Variants in TMEM239 observed in about 807,000 individuals in gnomAD.
The protein encoded by TMEM239 is transmembrane protein 239.
In TMEM239, 10 loss-of-function variants were observed where a neutral mutation model predicts 14.6. The observed-to-expected ratio is 0.68, with a 90% confidence interval of 0.42 to 1.16. The LOEUF (loss-of-function observed/expected upper bound fraction) is 1.16. TMEM239 is among the 50% of genes most tolerant of loss of function. TMEM239 has a pLI of 0.00. For synonymous variants in TMEM239, 94 were observed against 89.9 expected, an observed-to-expected ratio of 1.05 and a Z score of -0.26; for missense variants, 183 against 194.4, an observed-to-expected ratio of 0.94 and a Z score of 0.35.
At chr20:2,818,836 C>T (rs2088701906), downstream of TMEM239, 1 of 152,250 alleles carries the variant, frequency 6.6e-6, no homozygotes, top group African/African-American at 2.4e-5. Flanking sequence ...AGTGAAGGAC[C>T]TGGGACCACT....
chr20:2,818,476 C>T (rs1262632813), downstream of TMEM239: 1 of 152,308 alleles, frequency 6.6e-6, no homozygotes, highest in African/African-American at 2.4e-5. Flanking sequence ...GGCCTTGGGG[C>T]TAGCCCCTAG....
chr20:2,815,848 C>A, upstream of TMEM239: 1 of 1,074,368 alleles, frequency 9.3e-7, no homozygotes, highest in Non-Finnish European at 1.3e-6. Flanking sequence ...CCCTTTTCTC[C>A]TTCCTGGCTG....
upstream of TMEM239, chr20:2,816,221 G>C (rs911575413): frequency 7.8e-5 from 68 of 869,568 alleles, no homozygotes; most frequent in African/African-American, 8.7e-4. Flanking sequence ...CCAGCCTGGA[G>C]GGTCCGTGCA....
Position 2,818,012 on chromosome 20 carries a change from C to G in TMEM239, c.*999C>G, listed in dbSNP as rs773851916. ...GGCCCTAAAATGGTAAACAAGAGGT[C>G]GGTTAAGTGTGTACAAGATGTAAAA... On this transcript the variant is annotated 3_prime_UTR_variant, in exon 2 of 2. Transcript: ENST00000380585. 6 of 152,156 alleles carry G rather than the reference C, an allele frequency of 3.9e-5. No individual in the cohort carries two copies. The highest frequency in any genetic ancestry group is 8.8e-5 in the Non-Finnish European group (6 of 68,016). The allele number at this position is 152,156 out of a possible 1,614,324, so 9.4% of individuals were successfully genotyped here.
rs1449638430 is a variant in TMEM239, at chr20:2,816,736, T to C, written c.182T>C (p.Leu61Pro). 1 of 1,550,218 alleles carries C rather than the reference T, an allele frequency of 6.5e-7. No homozygotes were observed. Among genetic ancestry groups the C allele is most frequent in the East Asian group, 2.4e-5 (1 of 40,902 alleles). The stretch of plus-strand genomic sequence containing the variant: ...AACTGGCGGCAACCGCTGCAGCGCC[T>C]GCTGTGGGGTCTGGAGGGGATACTC... ...TSNWRQPLQR[L>P]LWGLEGILYL... The change falls in exon 2 of 2, where the codon CTG becomes CCG. Residue 61 changes from leucine (L) to proline (P), a missense_variant. Physicochemically the swap from Leu to Pro is moderately conservative, Grantham distance 98. Transcript: ENST00000380585.
upstream of TMEM239, chr20:2,816,339 G>C (rs752290682): frequency 5.9e-6 from 9 of 1,535,962 alleles, 1 homozygote; most frequent in South Asian, 4.8e-5. Flanking sequence ...GGGTAGATGA[G>C]AGTGGGGACT....
chr20:2,818,624 G>A (rs1600281175), downstream of TMEM239: 1 of 152,362 alleles, frequency 6.6e-6, no homozygotes, highest in East Asian at 1.9e-4. Flanking sequence ...TGGCATGGTA[G>A]TGAGAGCGAG....
chr20:2,816,768 C>T lies in TMEM239; in HGVS notation c.214C>T (p.Leu72=). The T allele has an allele frequency of 6.4e-7, 1 of 1,551,186 alleles. No homozygotes were observed. The highest frequency in any genetic ancestry group is 2.4e-5 in the East Asian group (1 of 40,920). Residue 72 remains leucine (L), a synonymous_variant, in exon 2 of 2, where the codon CTG becomes TTG. Transcript: ENST00000380585. ...GGGTCTGGAGGGGATACTCTACCTGCTGCTGGCACTGATGTTGTGCCATGC... is the reference window on the plus strand; with the variant it reads ...GGGTCTGGAGGGGATACTCTACCTGTTGCTGGCACTGATGTTGTGCCATGC... ...LWGLEGILYL[L]LALMLCHALF...
Position 2,816,762 on chromosome 20 carries a change from T to C in TMEM239, c.208T>C (p.Tyr70His). The C allele has an allele frequency of 1.3e-6, 2 of 1,551,136 alleles. No homozygotes were observed. Among genetic ancestry groups the C allele is most frequent in the Non-Finnish European group, 1.7e-6 (2 of 1,146,982 alleles). Residue 70 changes from tyrosine (Y) to histidine (H), a missense_variant, in exon 2 of 2, where the codon TAC (tyrosine) becomes CAC (histidine). Coordinates refer to ENST00000380585, the MANE Select transcript of TMEM239 (RefSeq NM_001167670.3). ...GCTGTGGGGTCTGGAGGGGATACTCTACCTGCTGCTGGCACTGATGTTGTG... is the reference window on the plus strand; with the variant it reads ...GCTGTGGGGTCTGGAGGGGATACTCCACCTGCTGCTGGCACTGATGTTGTG... ...RLLWGLEGIL[Y>H]LLLALMLCHA...
At position 2,816,794 on chromosome 20, in the gene TMEM239, A is replaced by G. The variant is rs2088679364; in HGVS notation, c.240A>G (p.Ala80=). 6.4e-7 allele frequency: 1 copy of G among 1,550,836 alleles called. No homozygotes were observed. The highest frequency in any genetic ancestry group is 8.7e-7 in the Non-Finnish European group (1 of 1,146,930). ...TGCTGGCACTGATGTTGTGCCATGC[A>G]CTCTTCACCACTGGCTCCCACCTGC... ...YLLLALMLCH[A]LFTTGSHLLS... Residue 80 remains alanine (A), a synonymous_variant, in exon 2 of 2, where the codon GCA becomes GCG. Coordinates refer to ENST00000380585, the MANE Select transcript of TMEM239 (RefSeq NM_001167670.3).
upstream of TMEM239, chr20:2,816,152 G>T (rs115362979): frequency 8.2e-4 from 506 of 617,316 alleles, 2 homozygotes; most frequent in African/African-American, 8.3e-3. Context: ...GGGATCCAGG[G>T]AGGGCTTCCC....
chr20:2,819,177 A>G (rs1265532861), downstream of TMEM239: 2 of 152,222 alleles, frequency 1.3e-5, no homozygotes, highest in African/African-American at 4.8e-5. Flanking sequence ...TTGGCCATGC[A>G]TTGCTAGCCA....
Position 2,817,429 on chromosome 20 carries a change from C to G in TMEM239, c.*416C>G. On this transcript the variant is annotated 3_prime_UTR_variant, in exon 2 of 2. Coordinates refer to ENST00000380585, the MANE Select transcript of TMEM239 (RefSeq NM_001167670.3). ...TCTACCTGGGTACCACTGGCCTTGCCATTCCTCCCACCAATCCCCTCTTTC... is the reference window on the plus strand; with the variant it reads ...TCTACCTGGGTACCACTGGCCTTGCGATTCCTCCCACCAATCCCCTCTTTC... 1 of 297,750 alleles carries G rather than the reference C, an allele frequency of 3.4e-6. No individual in the cohort carries two copies. Among genetic ancestry groups the G allele is most frequent in the Admixed American group, 4.6e-5 (1 of 21,668 alleles). The allele number at this position is 297,750 out of a possible 1,614,324, so 18.4% of individuals were successfully genotyped here. A position where few individuals can be genotyped will look rare whatever the true frequency, so the allele number is the denominator to read the frequency against.
chr20:2,816,199 G>A (rs546366038), upstream of TMEM239: 341 of 713,802 alleles, frequency 4.8e-4, no homozygotes, highest in African/African-American at 9.0e-4. Context: ...GCGGGGCTCC[G>A]AGGCTCCCCT....
Position 2,816,871 on chromosome 20 carries a change from C to T in TMEM239, c.317C>T (p.Ala106Val). ...GCGGTGTGGCGCCACCTGCTACCGG[C>T]TCTCCTGCTGCTGGTGCTCAGTGCT... Reference protein sequence around the residue: ...VAAVWRHLLPALLLLVLSALP... With the variant: ...VAAVWRHLLPVLLLLVLSALP... Residue 106 changes from alanine to valine, a missense_variant, in exon 2 of 2, where the codon GCT becomes GTT. Physicochemically the swap from Ala to Val is moderately conservative, Grantham distance 64. Transcript: ENST00000380585. 6.5e-7 allele frequency: 1 copy of T among 1,545,310 alleles called. No homozygotes were observed.
Position 2,817,230 on chromosome 20 carries a change from G to A in TMEM239, c.*217G>A, listed in dbSNP as rs937293942. Reference sequence around the variant, plus strand: ...GGGCTGGGGGCTTTGAGAAGAGGGGGCAAGACAGATGGCTTAGCCATTGGT... The same window carrying A: ...GGGCTGGGGGCTTTGAGAAGAGGGGACAAGACAGATGGCTTAGCCATTGGT... On this transcript the variant is annotated 3_prime_UTR_variant, in exon 2 of 2. Transcript: ENST00000380585. The A allele has an allele frequency of 4.6e-6, 3 of 645,532 alleles. No homozygotes were observed. Among genetic ancestry groups the A allele is most frequent in the Non-Finnish European group, 7.9e-6 (3 of 380,054 alleles). 40.0% of individuals were successfully genotyped at this position (645,532 alleles called of 1,614,324 possible).
At chr20:2,820,046 G>A (rs2088709191), downstream of TMEM239, 1 of 152,188 alleles carries the variant, frequency 6.6e-6, no homozygotes. Context: ...TAATTAGAAG[G>A]GGCAGAAGGT....
rs2088676955 is a variant in TMEM239 at position 2,816,662 on chromosome 20, G to C, written c.108G>C (p.Trp36Cys). ...TCACGAGGCATGGCTGGGTGCGCTG[G>C]TGGGTGAGCCACATGCCCCCGAGCT... is the stretch of plus-strand genomic sequence containing the variant. The part of the protein sequence containing the change: ...AWVTRHGWVR[W>C]WVSHMPPSWI... The change falls in exon 2 of 2, where the codon TGG becomes TGC. Residue 36 changes from tryptophan to cysteine, a missense_variant. Transcript: ENST00000380585. The C allele has an allele frequency of 6.5e-7, 1 of 1,542,582 alleles. No homozygotes were observed. The highest frequency in any genetic ancestry group is 1.4e-5 in the African/African-American group (1 of 73,038).
At position 2,817,831 on chromosome 20, in the gene TMEM239, T is replaced by C. The variant is rs2088695701; in HGVS notation, c.*818T>C. The C allele has an allele frequency of 6.6e-6, 1 of 152,250 alleles. No homozygotes were observed. Among genetic ancestry groups the C allele is most frequent in the African/African-American group, 2.4e-5 (1 of 41,470 alleles). 9.4% of individuals were successfully genotyped at this position (152,250 alleles called of 1,614,324 possible). On this transcript the variant is annotated 3_prime_UTR_variant, in exon 2 of 2. Coordinates refer to ENST00000380585, the MANE Select transcript of TMEM239 (RefSeq NM_001167670.3). ...GTGAGTCAAAGACAATATCTATTTG[T>C]GAAGCATTTTGTAGAAGCCAAAAAC...
Sources: allele counts gnomAD v4.1 joint callset, GRCh38; gene constraint gnomAD v4.1.1; transcripts MANE v1.5; gene names NCBI Gene and HGNC (gene_info 2026-07-23, HGNC 2026-07-21).